TAFA2: variants seen among roughly 807,000 people sequenced by gnomAD.
The protein encoded by TAFA2 is TAFA chemokine like family member 2.
Under a neutral mutation model 18.8 loss-of-function variants are expected in TAFA2, and 7 were observed. That is an observed-to-expected ratio of 0.37 (90% CI 0.21 to 0.70). TAFA2 has a LOEUF of 0.70. Among genes scored for constraint, TAFA2 ranks in the 30% least tolerant of loss-of-function variants. The probability of loss-of-function intolerance (pLI) is 0.53; values close to 1 mark genes in which losing one functional copy is unlikely to be tolerated. For synonymous variants in TAFA2, 60 were observed against 54.2 expected (o/e 1.11, Z -0.47); for missense variants, 122 against 158.1 (o/e 0.77, Z 1.23).
intron 2 of TAFA2, among the ~76,000 whole-genome samples, chr12:61,787,219 T>C (rs907999231): frequency 6.6e-5 from 10 of 151,106 alleles, no homozygotes; most frequent in African/African-American, 2.4e-4. Flanking sequence ...AACAAAGCTA[T>C]CCTTCATAAA....
intron 1 of TAFA2, among the ~76,000 whole-genome samples, chr12:61,968,895 G>T (rs945689559): frequency 6.6e-6 from 1 of 151,662 alleles, no homozygotes; most frequent in African/African-American, 2.4e-5. Context: ...ATGTAAAACT[G>T]ACTGATTTCA....
At chr12:62,002,145 A>G (rs981228071) in intron 1 of TAFA2, among the ~76,000 whole-genome samples, 2 of 152,176 alleles carry the variant, frequency 1.3e-5, no homozygotes, top group Non-Finnish European at 2.9e-5. Flanking sequence ...TAGGTCCTGT[A>G]GTGGCTTATG....
chr12:62,164,178 G>A (rs1297793940), intron 1 of TAFA2, among the ~76,000 whole-genome samples: 2 of 152,164 alleles, frequency 1.3e-5, no homozygotes, highest in African/African-American at 4.8e-5. Context: ...TTCCTTAGAA[G>A]TTTTAGTAAT....
intron 1 of TAFA2, among the ~76,000 whole-genome samples, chr12:62,024,576 CA>C (rs1881254389): frequency 6.6e-6 from 1 of 152,002 alleles, no homozygotes; most frequent in Admixed American, 6.6e-5. Flanking sequence ...ACTAAGTCTT[CA>C]AAAACAATTG....
intron 2 of TAFA2, among the ~76,000 whole-genome samples, chr12:61,775,295 G>C (rs1467232477): frequency 1.3e-5 from 2 of 151,810 alleles, no homozygotes; most frequent in Non-Finnish European, 2.9e-5. Context: ...TCCAGCAATA[G>C]TGCTCTTTGG....
chr12:61,945,335 C>T (rs1453007140), intron 1 of TAFA2, among the ~76,000 whole-genome samples: 2 of 122,994 alleles, frequency 1.6e-5, no homozygotes, highest in African/African-American at 3.6e-5. Flanking sequence ...TATGACAAAC[C>T]CACAGCCAAT....
At chr12:62,055,424 A>G (rs191915062) in intron 1 of TAFA2, among the ~76,000 whole-genome samples, 7 of 152,320 alleles carry the variant, frequency 4.6e-5, no homozygotes, top group Admixed American at 1.3e-4. Context: ...TATTACAATG[A>G]TAAGTATAAA....
chr12:61,878,967 A>G (rs753725146), intron 1 of TAFA2, among the ~76,000 whole-genome samples: 6 of 152,176 alleles, frequency 3.9e-5, no homozygotes, highest in Non-Finnish European at 7.4e-5. Flanking sequence ...TAAAGAAGGT[A>G]AGTGACTTGT....
chr12:61,849,936 G>C (rs191279089), intron 2 of TAFA2, among the ~76,000 whole-genome samples: 2 of 151,906 alleles, frequency 1.3e-5, no homozygotes, highest in Non-Finnish European at 2.9e-5. Context: ...GAATCTATAC[G>C]CTATTAGGAC....
At chr12:62,202,618 G>A (rs113042846) in intron 1 of TAFA2, among the ~76,000 whole-genome samples, 3,651 of 151,660 alleles carry the variant, frequency 0.024, 82 homozygotes, top group African/African-American at 0.064. Context: ...CACTGTGCCC[G>A]GTCCTTTCTA....
At position 61,712,658 on chromosome 12, in the gene TAFA2, A is replaced by T. The variant is rs191720099; in HGVS notation, c.385-2241T>A. Among the ~76,000 whole-genome samples, 292 of 152,282 alleles carry T rather than the reference A, an allele frequency of 1.9e-3. 4 individuals carry two copies. Among genetic ancestry groups the T allele is most frequent in the Non-Finnish European group, 7.4e-5 (5 of 68,002 alleles). Reference sequence around the variant, plus strand: ...GAAGTAATTGTCTAAACACACATGGATTACAGCATAATTAAAGCAACCTAT... The same window carrying T: ...GAAGTAATTGTCTAAACACACATGGTTTACAGCATAATTAAAGCAACCTAT... On this transcript the variant is annotated intron_variant, in intron 4 of 4. Transcript: ENST00000416284.
At chr12:61,857,550 G>T (rs1292201782) in intron 2 of TAFA2, among the ~76,000 whole-genome samples, 6 of 152,184 alleles carry the variant, frequency 3.9e-5, no homozygotes, top group Non-Finnish European at 8.8e-5. Context: ...CTGTATTGAA[G>T]GGAGCTGGAA....
At chr12:62,080,651 T>A (rs147750471) in intron 1 of TAFA2, among the ~76,000 whole-genome samples, 1 of 152,366 alleles carries the variant, frequency 6.6e-6, no homozygotes, top group African/African-American at 2.4e-5. Context: ...GTGCATCTAT[T>A]AAATCCCTGA....
intron 1 of TAFA2, among the ~76,000 whole-genome samples, chr12:61,898,039 T>C (rs1296795413): frequency 2.6e-5 from 4 of 152,114 alleles, no homozygotes; most frequent in African/African-American, 9.7e-5. Context: ...CCCAAGCAAG[T>C]CCAAAATCCA....
At chr12:61,977,660 C>G (rs555376896) in intron 1 of TAFA2, among the ~76,000 whole-genome samples, 6 of 152,090 alleles carry the variant, frequency 3.9e-5, no homozygotes, top group Non-Finnish European at 8.8e-5. Flanking sequence ...AAAATTGCCA[C>G]TCTTTTTAAA....
chr12:62,005,575 C>A (rs999109523), intron 1 of TAFA2, among the ~76,000 whole-genome samples: 2 of 152,192 alleles, frequency 1.3e-5, no homozygotes, highest in Admixed American at 6.5e-5. Context: ...CATGAAAGTG[C>A]TTTCATTGAC....
At chr12:61,791,946 T>A (rs998817401) in intron 2 of TAFA2, among the ~76,000 whole-genome samples, 3 of 151,638 alleles carry the variant, frequency 2.0e-5, no homozygotes, top group African/African-American at 7.3e-5. Context: ...ATTCACAATA[T>A]CCAAGATATG....
chr12:61,887,021 G>C (rs187792190), intron 1 of TAFA2, among the ~76,000 whole-genome samples: 30 of 152,316 alleles, frequency 2.0e-4, no homozygotes, highest in Admixed American at 1.9e-3. Flanking sequence ...GATGAAATGT[G>C]TTAAAATATA....
At chr12:62,207,066 C>T (rs2062694565) in intron 1 of TAFA2, 1 of 152,304 alleles carries the variant, frequency 6.6e-6, no homozygotes, top group African/African-American at 2.4e-5. Context: ...GGAAAACATA[C>T]TTAATTTTGG....
Sources: allele counts gnomAD v4.1 joint callset (sites outside exome capture counted in the v4.1 genomes callset), GRCh38; gene constraint gnomAD v4.1.1; transcripts MANE v1.5; gene names NCBI Gene and HGNC (gene_info 2026-07-23, HGNC 2026-07-21).